Variants in EEF2KMT observed in about 807,000 individuals in gnomAD.
EEF2KMT encodes eukaryotic elongation factor 2 lysine methyltransferase, also known as protein-lysine N-methyltransferase EEF2KMT.
In EEF2KMT, 30 loss-of-function variants were observed where a neutral mutation model predicts 35.1. The ratio of observed to expected loss-of-function variants is 0.85; its 90% CI spans 0.64 to 1.16. The LOEUF is 1.16. Among genes scored for constraint, EEF2KMT ranks in the 50% most tolerant of loss-of-function variants. The pLI is 0.00. For missense variants in EEF2KMT, 499 were observed against 438.2 expected (o/e 1.14, Z -1.24); for synonymous variants, 190 against 187.7 (o/e 1.01, Z -0.10).
intron 2 of EEF2KMT, 75 bp downstream of exon 2, chr16:5,095,377 G>A (rs1429037718): frequency 6.2e-7 from 1 of 1,605,010 alleles, no homozygotes; most frequent in Admixed American, 1.7e-5. Context: ...AAGCACACCT[G>A]CAGTTCTTCT....
Position 5,089,413 on chromosome 16 carries a change from G to A in EEF2KMT, c.743-157C>T. The A allele has an allele frequency of 2.9e-6, 3 of 1,018,040 alleles. No homozygotes were observed. The South Asian group carries it at 5.0e-5, about 17-fold the overall frequency. The allele number at this position is 1,018,040 out of a possible 1,614,324, so 63.1% of individuals were successfully genotyped here. On this transcript the variant is annotated intron_variant, in intron 6 of 7. Transcript: ENST00000427587. ...CATTAGATGGAAAGGCAATTACTTGGGTGAAAAAGGAGAACCCTTAGTAGA... is the reference window on the plus strand; with the variant it reads ...CATTAGATGGAAAGGCAATTACTTGAGTGAAAAAGGAGAACCCTTAGTAGA...
chr16:5,093,811 C>G (rs1309719787), intron 2 of EEF2KMT, among the ~76,000 whole-genome samples: 1 of 152,232 alleles, frequency 6.6e-6, no homozygotes, highest in Non-Finnish European at 1.5e-5. Flanking sequence ...AGCAGGAACA[C>G]AGGGCATGTG....
chr16:5,087,537 G>A (rs1353502235), intron 7 of EEF2KMT, among the ~76,000 whole-genome samples: 1 of 152,086 alleles, frequency 6.6e-6, no homozygotes, highest in East Asian at 1.9e-4. Context: ...AGTAGCTCAC[G>A]CCCGTATTCC....
chr16:5,094,838 A>C (rs1394192347), intron 2 of EEF2KMT, among the ~76,000 whole-genome samples: 1 of 152,110 alleles, frequency 6.6e-6, no homozygotes, highest in Non-Finnish European at 1.5e-5. Flanking sequence ...GTTTGTATGG[A>C]AAATGTATTC....
chr16:5,094,639 C>T (rs536169075), intron 2 of EEF2KMT, among the ~76,000 whole-genome samples: 2 of 152,286 alleles, frequency 1.3e-5, no homozygotes, highest in African/African-American at 4.8e-5. Context: ...GGGTGAAACT[C>T]AGAGCAGGGT....
Position 5,085,056 on chromosome 16 carries a change from G to C in EEF2KMT, c.*576C>G. 8.1e-7 allele frequency: 1 copy of C among 1,228,850 alleles called. No individual in the cohort carries two copies. Among genetic ancestry groups the C allele is most frequent in the African/African-American group, 1.5e-5 (1 of 66,620 alleles). 76.1% of individuals were successfully genotyped at this position (1,228,850 alleles called of 1,614,324 possible). On this transcript the variant is annotated 3_prime_UTR_variant, in exon 8 of 8. Transcript: ENST00000427587. ...TCTGTGACCCGGGAAGCTTTGGTTG[G>C]CCTTGATTTCTTCTCTGGAGGCTTG...
Position 5,084,830 on chromosome 16 carries a change from A to G in EEF2KMT, c.*802T>C, listed in dbSNP as rs1397097240. 3.1e-6 allele frequency: 5 copies of G among 1,596,318 alleles called. No individual in the cohort carries two copies. Among genetic ancestry groups the G allele is most frequent in the Non-Finnish European group, 4.2e-6 (5 of 1,179,768 alleles). On this transcript the variant is annotated 3_prime_UTR_variant, in exon 8 of 8. Coordinates refer to ENST00000427587, the MANE Select transcript of EEF2KMT (RefSeq NM_201400.4). Reference sequence around the variant, plus strand: ...ACCTGCGGGAGTCGCAGCAGCTCCGATGGGATGAGAGCTGGGTGCAGACTG... The same window carrying G: ...ACCTGCGGGAGTCGCAGCAGCTCCGGTGGGATGAGAGCTGGGTGCAGACTG...
At chr16:5,093,736 T>C (rs9746353) in intron 2 of EEF2KMT, among the ~76,000 whole-genome samples, 172 bp from the exon 3 acceptor site, 133,405 of 150,636 alleles carry the variant, frequency 0.89, 59,060 homozygotes, top group East Asian at 0.94. Flanking sequence ...AGATATAAGC[T>C]GTTTCCTAAA....
chr16:5,089,008 A>T (rs887002189), intron 7 of EEF2KMT, 99 bp downstream of exon 7: 80 of 1,599,668 alleles, frequency 5.0e-5, no homozygotes, highest in Middle Eastern at 4.5e-4. Flanking sequence ...AGTGTGGGGC[A>T]ACCTAGCTTT....
rs1354887166 is a variant in EEF2KMT, at chr16:5,090,392, T to G, written c.476+40A>C. ...GACCGTGTCTGCGACTGCACCAGGG[T>G]AAGCCTGCCTCGGTGCCCTGCCCTG... On this transcript the variant is annotated intron_variant, in intron 5 of 7. Transcript: ENST00000427587. This position sits in a 1 kb window ranked among gnomAD's most constrained non-coding sequence, Gnocchi z 4.1. 7 of 1,611,870 alleles carry G rather than the reference T, an allele frequency of 4.3e-6. No individual in the cohort carries two copies. The highest frequency in any genetic ancestry group is 4.5e-5 in the East Asian group (2 of 44,858).
At position 5,090,731 on chromosome 16, in the gene EEF2KMT, A is replaced by G. The variant is rs537815117; in HGVS notation, c.343-166T>C. ...ATGCCAACAGCTTTCACGGGCCTCA[A>G]GGGTGTCACGCGGTGTGAAAGACAC... is the stretch of plus-strand genomic sequence containing the variant. On this transcript the variant is annotated intron_variant, in intron 4 of 7. Transcript: ENST00000427587. This position sits in a 1 kb window ranked among gnomAD's most constrained non-coding sequence, Gnocchi z 4.1. Among the ~76,000 whole-genome samples the G allele has an allele frequency of 2.0e-5, 3 of 152,210 alleles. No individual in the cohort carries two copies. The highest frequency in any genetic ancestry group is 2.1e-4 in the South Asian group (1 of 4,820).
At chr16:5,087,551 C>T (rs965864439) in intron 7 of EEF2KMT, among the ~76,000 whole-genome samples, 2 of 152,156 alleles carry the variant, frequency 1.3e-5, no homozygotes, top group African/African-American at 4.8e-5. Flanking sequence ...GTATTCCTAA[C>T]ACTTTGGGAG....
At position 5,095,454 on chromosome 16, in the gene EEF2KMT, T is replaced by C. The variant is rs1213398756; in HGVS notation, c.157A>G (p.Lys53Glu). 1 of 1,611,694 alleles carries C rather than the reference T, an allele frequency of 6.2e-7. No individual in the cohort carries two copies. The change falls in exon 2 of 8, where the codon AAG (lysine) becomes GAG (glutamate). Residue 53 changes from lysine to glutamate, a missense_variant and splice_region_variant. By Grantham distance (56) the Lys-to-Glu change is moderately conservative. Coordinates refer to ENST00000427587, the MANE Select transcript of EEF2KMT (RefSeq NM_201400.4). ...CCCAGGGACTCTGGGATTCTTACCT[T>C]GTGCAAAATATCCCGCAGCAGCTCA... Reference protein sequence around the residue: ...DSELLRDILHKTVKHPVCVKH... With the variant: ...DSELLRDILHETVKHPVCVKH...
In EEF2KMT at chr16:5,084,884, C is replaced by T; in HGVS notation, c.*748G>A. ...TCCCTTTGGTTATGGACACATAACT[C>T]CTGGGCCAGAGGCTAAAACCCCAGG... On this transcript the variant is annotated 3_prime_UTR_variant, in exon 8 of 8. Transcript: ENST00000427587. 6.3e-7 allele frequency: 1 copy of T among 1,588,174 alleles called. No individual in the cohort carries two copies. The highest frequency in any genetic ancestry group is 1.1e-5 in the South Asian group (1 of 90,848).
rs1567173771 is a variant in EEF2KMT at position 5,085,052 on chromosome 16, G to A, written c.*580C>T. On this transcript the variant is annotated 3_prime_UTR_variant, in exon 8 of 8. Coordinates refer to ENST00000427587, the MANE Select transcript of EEF2KMT (RefSeq NM_201400.4). The stretch of plus-strand genomic sequence containing the variant: ...TGGTTCTGTGACCCGGGAAGCTTTG[G>A]TTGGCCTTGATTTCTTCTCTGGAGG... The A allele has an allele frequency of 3.1e-6, 4 of 1,278,028 alleles. No individual in the cohort carries two copies. The Admixed American group carries it at 6.4e-5, about 20-fold the overall frequency. 79.2% of individuals were successfully genotyped at this position (1,278,028 alleles called of 1,614,324 possible).
chr16:5,093,475 A>G lies in EEF2KMT; in HGVS notation c.240+9T>C, dbSNP rs756149284. 4 of 1,612,064 alleles carry G rather than the reference A, an allele frequency of 2.5e-6. No homozygotes were observed. Among genetic ancestry groups the G allele is most frequent in the Non-Finnish European group, 2.5e-6 (3 of 1,179,862 alleles). ...TCCGGCTACTGGGCGGACACTGCCCATAACTGACCTTTTTGATGAGTTCTG... is the reference window on the plus strand; with the variant it reads ...TCCGGCTACTGGGCGGACACTGCCCGTAACTGACCTTTTTGATGAGTTCTG... On this transcript the variant is annotated intron_variant, in intron 3 of 7. Transcript: ENST00000427587.
Position 5,084,686 on chromosome 16 carries a change from G to T in EEF2KMT, c.*946C>A, listed in dbSNP as rs1703531369. ...GGGTCGGGGACCTGGGGTCAGCCAG[G>T]TGGTGACCTGGGATGGGGTGGGGAC... On this transcript the variant is annotated 3_prime_UTR_variant, in exon 8 of 8. Transcript: ENST00000427587. 17 of 1,595,586 alleles carry T rather than the reference G, an allele frequency of 1.1e-5. No homozygotes were observed. In the South Asian group the frequency reaches 1.9e-4, roughly 18 times the overall value.
intron 3 of EEF2KMT, 150 bp from the exon 4 acceptor site, chr16:5,092,045 G>C: frequency 6.9e-7 from 1 of 1,451,072 alleles, no homozygotes; most frequent in South Asian, 1.3e-5. Context: ...CGTTGGGCTT[G>C]GTGGTGTGTG....
At chr16:5,086,521 T>A (rs1242727257) in intron 7 of EEF2KMT, 1 of 152,048 alleles carries the variant, frequency 6.6e-6, no homozygotes, top group African/African-American at 2.4e-5. Flanking sequence ...CAGTCATTGC[T>A]CACTACAGCC....
Sources: allele counts gnomAD v4.1 joint callset (sites outside exome capture counted in the v4.1 genomes callset), GRCh38; gene constraint gnomAD v4.1.1; non-coding constraint Gnocchi (gnomAD v3.1); transcripts MANE v1.5; gene names NCBI Gene and HGNC (gene_info 2026-07-23, HGNC 2026-07-21).